Variants in CDH12 observed in about 807,000 individuals in gnomAD.
CDH12 encodes cadherin-12.
A neutral mutation model predicts 74.1 loss-of-function variants in CDH12; 41 were observed. That is an observed-to-expected ratio of 0.55 (90% CI 0.43 to 0.72). CDH12 has a LOEUF of 0.72. Among genes scored for constraint, CDH12 ranks in the 30% least tolerant of loss-of-function variants. CDH12 has a pLI of 0.00. For synonymous variants in CDH12, 399 were observed against 355.0 expected (o/e 1.12, Z -1.39); for missense variants, 945 against 977.2 (o/e 0.97, Z 0.44).
At chr5:22,208,273 G>A (rs1315531635) in intron 4 of CDH12, among the ~76,000 whole-genome samples, 1 of 152,102 alleles carries the variant, frequency 6.6e-6, no homozygotes, top group Non-Finnish European at 1.5e-5. Context: ...TAAAACTACA[G>A]AGAAAAATGT....
intron 1 of CDH12, among the ~76,000 whole-genome samples, chr5:22,786,220 A>G (rs1747617161): frequency 6.6e-6 from 1 of 152,208 alleles, no homozygotes; most frequent in Admixed American, 6.5e-5. Context: ...AGGAACAGAA[A>G]AACAAATTTT....
chr5:21,801,384 C>T (rs1010749064), intron 10 of CDH12, among the ~76,000 whole-genome samples: 9 of 152,106 alleles, frequency 5.9e-5, no homozygotes, highest in African/African-American at 2.2e-4. Flanking sequence ...TCATACTTGT[C>T]TTTTAATTGG....
At chr5:22,807,198 A>T (rs1748862641) in intron 1 of CDH12, among the ~76,000 whole-genome samples, 1 of 152,192 alleles carries the variant, frequency 6.6e-6, no homozygotes. Context: ...ATTAGGTTAG[A>T]TATTTACATA....
Position 22,089,535 on chromosome 5 carries a change from T to G in CDH12, c.-186-10673A>C, listed in dbSNP as rs139349126. On this transcript the variant is annotated intron_variant, in intron 4 of 14. Transcript: ENST00000382254. ...TCAAATGAAAATGTTATTAAAAAGATAATTTACTTTTTAAATGCCACATGG... is the reference window on the plus strand; with the variant it reads ...TCAAATGAAAATGTTATTAAAAAGAGAATTTACTTTTTAAATGCCACATGG... Among the ~76,000 whole-genome samples, 476 of 152,258 alleles carry G rather than the reference T, an allele frequency of 3.1e-3. 2 individuals are homozygous for G. The highest frequency in any genetic ancestry group is 5.0e-3 in the Non-Finnish European group (342 of 68,016).
intron 1 of CDH12, among the ~76,000 whole-genome samples, chr5:22,662,902 A>T (rs1740423283): frequency 6.6e-6 from 1 of 152,072 alleles, no homozygotes. Context: ...AGGTTCTAAA[A>T]CTCTTTGCAA....
At chr5:22,687,459 A>G (rs1341117088) in intron 1 of CDH12, among the ~76,000 whole-genome samples, 3 of 152,108 alleles carry the variant, frequency 2.0e-5, no homozygotes, top group Non-Finnish European at 1.5e-5. Flanking sequence ...CCAGACTGCA[A>G]TGCAGTGGCA....
rs1753448859 is a variant in CDH12 at position 22,259,834 on chromosome 5, G to T, written c.-332-47191C>A. ...AGCCTTTGCTGAGGTAAACTTTGAAGCTGACCGAATTGAGAATCCTGAGAT... is the reference window on the plus strand; with the variant it reads ...AGCCTTTGCTGAGGTAAACTTTGAATCTGACCGAATTGAGAATCCTGAGAT... On this transcript the variant is annotated intron_variant, in intron 3 of 14. Coordinates refer to ENST00000382254, the MANE Select transcript of CDH12 (RefSeq NM_004061.5). Among the ~76,000 whole-genome samples, 8 of 151,864 alleles carry T rather than the reference G, an allele frequency of 5.3e-5. No individual in the cohort carries two copies. In the South Asian group the frequency reaches 1.5e-3, roughly 28 times the overall value.
chr5:22,688,461 G>A (rs548793408), intron 1 of CDH12, among the ~76,000 whole-genome samples: 41 of 152,156 alleles, frequency 2.7e-4, no homozygotes, highest in South Asian at 1.5e-3. Context: ...GAAATTTCTC[G>A]CTTCCACTTT....
In CDH12 at chr5:21,752,174, T is replaced by C. The variant is rs1282499245; in HGVS notation, c.1948A>G (p.Lys650Glu). 1.9e-6 allele frequency: 3 copies of C among 1,613,734 alleles called. No homozygotes were observed. The highest frequency in any genetic ancestry group is 1.1e-5 in the South Asian group (1 of 91,068). ...ATGACGTTGTCTCTGATGTCTTCTT[T>C]AGAGGTCATCAGGGTGTCTTTTTTC... ...QKKKDTLMTS[K>E]EDIRDNVIHY... is the part of the protein sequence containing the mutation. Residue 650 changes from lysine (K) to glutamate (E), a missense_variant, in exon 15 of 15, where the codon AAA becomes GAA. Lys to Glu is a moderately conservative substitution (Grantham distance 56, BLOSUM62 1). This residue lies in a region of CDH12 where 791 missense variants were observed against 792.8 expected (regional missense o/e 1.00). Transcript: ENST00000382254.
At chr5:21,923,430 C>T (rs1277287997) in intron 6 of CDH12, among the ~76,000 whole-genome samples, 2 of 152,084 alleles carry the variant, frequency 1.3e-5, no homozygotes, top group African/African-American at 2.4e-5. Flanking sequence ...AGATCTTTCC[C>T]ATATTTACAA....
At chr5:22,629,188 C>CT (rs1738452048) in intron 1 of CDH12, among the ~76,000 whole-genome samples, 2 of 152,100 alleles carry the variant, frequency 1.3e-5, no homozygotes, top group South Asian at 4.1e-4. Context: ...GAGCTGGTAT[C>CT]ATTTCTACTA....
intron 6 of CDH12, among the ~76,000 whole-genome samples, chr5:21,893,229 C>T (rs1243970242): frequency 3.3e-5 from 5 of 151,774 alleles, no homozygotes; most frequent in Admixed American, 1.3e-4. Flanking sequence ...CATTTGAATG[C>T]GTGTTTGCAG....
At chr5:22,727,392 T>C (rs1580932562) in intron 1 of CDH12, among the ~76,000 whole-genome samples, 1 of 151,798 alleles carries the variant, frequency 6.6e-6, no homozygotes, top group Non-Finnish European at 1.5e-5. Flanking sequence ...TTTTAAAAAG[T>C]ACAATTTAGT....
Position 22,661,697 on chromosome 5 carries a change from T to C in CDH12, c.-522-156333A>G, listed in dbSNP as rs550081254. 1.5e-4 allele frequency among the ~76,000 whole-genome samples: 23 copies of C among 152,266 alleles called. No homozygotes were observed. The South Asian group carries it at 4.8e-3, about 32-fold the overall frequency. ...ATTGTTAAATAAATTTCAGAAATCATGTAACACCATTCCTCAATTTACAGA... is the reference window on the plus strand; with the variant it reads ...ATTGTTAAATAAATTTCAGAAATCACGTAACACCATTCCTCAATTTACAGA... On this transcript the variant is annotated intron_variant, in intron 1 of 14. Coordinates refer to ENST00000382254, the MANE Select transcript of CDH12 (RefSeq NM_004061.5).
At chr5:22,122,337 A>AG (rs1745565817) in intron 4 of CDH12, among the ~76,000 whole-genome samples, 1 of 152,186 alleles carries the variant, frequency 6.6e-6, no homozygotes, top group Non-Finnish European at 1.5e-5. Flanking sequence ...CAGGAGGCAG[A>AG]GGTTGCAGTG....
chr5:21,791,852 T>G (rs1164468588), intron 10 of CDH12, among the ~76,000 whole-genome samples: 1 of 151,850 alleles, frequency 6.6e-6, no homozygotes, highest in African/African-American at 2.4e-5. Context: ...TCCCTTAAAA[T>G]TGTACTTTTC....
rs374909036 is a variant in CDH12 at position 21,751,736 on chromosome 5, C to G, written c.*1G>C. 8 of 1,608,686 alleles carry G rather than the reference C, an allele frequency of 5.0e-6. No individual in the cohort carries two copies. The highest frequency in any genetic ancestry group is 1.3e-5 in the African/African-American group (1 of 74,574). ...GTTGTATTTTAGCCTCCACGACTCC[C>G]TTAAGTGACTTTATCAGGGTTATAA... On this transcript the variant is annotated 3_prime_UTR_variant, in exon 15 of 15. Transcript: ENST00000382254.
At chr5:22,502,785 C>T (rs1736227528) in intron 2 of CDH12, among the ~76,000 whole-genome samples, 1 of 152,022 alleles carries the variant, frequency 6.6e-6, no homozygotes, top group Admixed American at 6.6e-5. Context: ...ACATATTTTT[C>T]ATTTCATTAA....
chr5:21,939,313 T>A (rs1195409475), intron 6 of CDH12, among the ~76,000 whole-genome samples: 1 of 151,834 alleles, frequency 6.6e-6, no homozygotes, highest in Non-Finnish European at 1.5e-5. Flanking sequence ...TCTGAATGTT[T>A]AAATCTTTCC....
Sources: allele counts gnomAD v4.1 joint callset (sites outside exome capture counted in the v4.1 genomes callset), GRCh38; gene constraint gnomAD v4.1.1; regional missense constraint gnomAD v4.1.1; transcripts MANE v1.5; gene names NCBI Gene and HGNC (gene_info 2026-07-23, HGNC 2026-07-21).